Variants in PKNOX2 observed in about 807,000 individuals in gnomAD.
The protein encoded by PKNOX2 is homeobox protein PKNOX2.
Under a neutral mutation model 53.1 loss-of-function variants are expected in PKNOX2, and 14 were observed. The observed-to-expected ratio is 0.26, with a 90% CI of 0.17 to 0.41. PKNOX2 has a LOEUF of 0.41. Among genes scored for constraint, PKNOX2 ranks in the 10% least tolerant of loss-of-function variants. The pLI is 1.00. For synonymous variants in PKNOX2, 257 were observed against 242.8 expected (o/e 1.06, Z -0.54); for missense variants, 496 against 602.8 (o/e 0.82, Z 1.85).
intron 4 of PKNOX2, among the ~76,000 whole-genome samples, chr11:125,351,989 C>T (rs1215017720): frequency 6.6e-6 from 1 of 152,054 alleles, no homozygotes; most frequent in African/African-American, 2.4e-5. Context: ...ACACAGCCGC[C>T]CCCCAAGATC....
chr11:125,287,271 A>G (rs1450504018), intron 2 of PKNOX2, among the ~76,000 whole-genome samples: 2 of 152,178 alleles, frequency 1.3e-5, no homozygotes, highest in South Asian at 2.1e-4. Context: ...GGGCTGAACC[A>G]CAACACCGTG....
At chr11:125,329,723 A>G (rs1223566583) in intron 2 of PKNOX2, among the ~76,000 whole-genome samples, 2 of 152,218 alleles carry the variant, frequency 1.3e-5, no homozygotes, top group Non-Finnish European at 2.9e-5. Flanking sequence ...ATCTGATCAG[A>G]CAGAAATATA....
intron 1 of PKNOX2, among the ~76,000 whole-genome samples, chr11:125,231,834 A>G: frequency 6.6e-6 from 1 of 152,194 alleles, no homozygotes; most frequent in East Asian, 1.9e-4. Context: ...GAATTATTTC[A>G]TGAAATGATG....
chr11:125,243,322 C>T (rs1316768435), intron 2 of PKNOX2, among the ~76,000 whole-genome samples: 1 of 152,200 alleles, frequency 6.6e-6, no homozygotes, highest in Non-Finnish European at 1.5e-5. Context: ...CCTTCCCTCT[C>T]CCCTTCTGGG....
chr11:125,430,394 C>G (rs1290455864), intron 12 of PKNOX2, among the ~76,000 whole-genome samples: 1 of 152,126 alleles, frequency 6.6e-6, no homozygotes, highest in Non-Finnish European at 1.5e-5. Context: ...CTCAGCAGAG[C>G]CCCCCATGTC....
chr11:125,412,446 C>T (rs1437509925), intron 10 of PKNOX2, among the ~76,000 whole-genome samples: 7 of 152,178 alleles, frequency 4.6e-5, no homozygotes, highest in African/African-American at 9.7e-5. Flanking sequence ...CACACTACCT[C>T]GGGTTGCAGT....
intron 2 of PKNOX2, among the ~76,000 whole-genome samples, chr11:125,236,436 CG>C (rs1942704479): frequency 6.6e-6 from 1 of 151,968 alleles, no homozygotes; most frequent in Non-Finnish European, 1.5e-5. Context: ...TTGTGAGAAT[CG>C]ATGTCTCCTC....
At chr11:125,192,459 T>C (rs1956935036) in intron 1 of PKNOX2, among the ~76,000 whole-genome samples, 1 of 152,160 alleles carries the variant, frequency 6.6e-6, no homozygotes, top group Admixed American at 6.5e-5. Context: ...CTGGCGGGAA[T>C]TCATAAATGA....
chr11:125,397,387 C>T (rs929998483), intron 6 of PKNOX2, among the ~76,000 whole-genome samples: 1 of 152,246 alleles, frequency 6.6e-6, no homozygotes, highest in Non-Finnish European at 1.5e-5. Context: ...TCAGGCTTGC[C>T]TGGTCCTTCA....
intron 8 of PKNOX2, 115 bp downstream of exon 8, chr11:125,410,440 T>C: frequency 1.4e-6 from 2 of 1,414,236 alleles, no homozygotes; most frequent in Admixed American, 2.2e-5. Context: ...GGCTCCCAGC[T>C]CAGTTTCTTG....
rs1565477078 is a variant in PKNOX2, at chr11:125,240,616, C to T, written c.-130+5501C>T. Among the ~76,000 whole-genome samples the T allele has an allele frequency of 6.6e-6, 1 of 152,138 alleles. No homozygotes were observed. The highest frequency in any genetic ancestry group is 2.4e-5 in the African/African-American group (1 of 41,434). On this transcript the variant is annotated intron_variant, in intron 2 of 12. Coordinates refer to ENST00000298282, the MANE Select transcript of PKNOX2 (RefSeq NM_001382323.2). The surrounding 1 kb of genome is among the most constrained non-coding windows in gnomAD (Gnocchi z 4.3). ...ATCCACTGAAATGCAGTTCTAAATC[C>T]TTGTCCAGCCTGAAAGGATTTCCCT...
chr11:125,234,852 C>T (rs1489894098), intron 1 of PKNOX2, among the ~76,000 whole-genome samples, 193 bp from the exon 2 acceptor site: 3 of 151,962 alleles, frequency 2.0e-5, no homozygotes, highest in Non-Finnish European at 4.4e-5. Context: ...CTGATTAGGT[C>T]TCTAAACAAT....
chr11:125,242,794 G>A (rs1943261236), intron 2 of PKNOX2, among the ~76,000 whole-genome samples: 1 of 152,088 alleles, frequency 6.6e-6, no homozygotes, highest in Non-Finnish European at 1.5e-5. Flanking sequence ...TCTGTCCATG[G>A]CCTATCTCTT....
intron 1 of PKNOX2, among the ~76,000 whole-genome samples, chr11:125,167,973 T>C (rs1190529652): frequency 6.6e-6 from 1 of 152,234 alleles, no homozygotes; most frequent in Non-Finnish European, 1.5e-5. Flanking sequence ...CTTTGGGCTT[T>C]CACTGAGTCT....
chr11:125,250,831 T>G (rs184220353), intron 2 of PKNOX2, among the ~76,000 whole-genome samples: 103 of 152,330 alleles, frequency 6.8e-4, no homozygotes, highest in Middle Eastern at 3.4e-3. Flanking sequence ...TGGGAAAACT[T>G]AGGCTCAGAA....
At chr11:125,365,954 T>G (rs1198252212) in intron 4 of PKNOX2, among the ~76,000 whole-genome samples, 1 of 152,242 alleles carries the variant, frequency 6.6e-6, no homozygotes, top group African/African-American at 2.4e-5. Context: ...TCAAGAAGTA[T>G]CTGAAGAAAT....
chr11:125,397,764 C>A, intron 6 of PKNOX2, 110 bp from the exon 7 acceptor site: 2 of 1,136,666 alleles, frequency 1.8e-6, no homozygotes, highest in Non-Finnish European at 2.5e-6. Context: ...GAAGCATGAG[C>A]TACGGCAGGG....
intron 6 of PKNOX2, among the ~76,000 whole-genome samples, chr11:125,388,686 T>A (rs1471188752): frequency 6.6e-6 from 1 of 151,610 alleles, no homozygotes; most frequent in Non-Finnish European, 1.5e-5. Flanking sequence ...TGAACTCAAA[T>A]CCTCCCCATC....
chr11:125,218,017 T>A lies in PKNOX2; in HGVS notation c.-200-17028T>A, dbSNP rs80209890. 1.3e-4 allele frequency among the ~76,000 whole-genome samples: 20 copies of A among 152,222 alleles called. No individual in the cohort carries two copies. In the East Asian group the frequency reaches 3.5e-3, roughly 26 times the overall value. On this transcript the variant is annotated intron_variant, in intron 1 of 12. Coordinates refer to ENST00000298282, the MANE Select transcript of PKNOX2 (RefSeq NM_001382323.2). ...TGCAGAGACAGACGGCCCTGTTTGA[T>A]CTGGTGATTCAATGGGTCTTCTCCT...
Sources: allele counts gnomAD v4.1 joint callset (sites outside exome capture counted in the v4.1 genomes callset), GRCh38; gene constraint gnomAD v4.1.1; non-coding constraint Gnocchi (gnomAD v3.1); transcripts MANE v1.5; gene names NCBI Gene and HGNC (gene_info 2026-07-23, HGNC 2026-07-21).